GPC3: variants seen among roughly 807,000 people sequenced by gnomAD.
GPC3 encodes glypican-3.
In GPC3, 3 loss-of-function variants were observed where a neutral mutation model predicts 34.4. The ratio of observed to expected loss-of-function variants is 0.09; its 90% CI spans 0.04 to 0.23. The LOEUF (loss-of-function observed/expected upper bound fraction) is 0.23. GPC3 is among the 10% of genes least tolerant of loss of function. The pLI is 1.00. For synonymous variants in GPC3, 177 were observed against 174.0 expected, an observed-to-expected ratio of 1.02 and a Z score of -0.13; for missense variants, 351 against 445.6, an observed-to-expected ratio of 0.79 and a Z score of 1.91.
intron 2 of GPC3, among the ~76,000 whole-genome samples, chrX:133,887,738 AAAT>A (rs1159523281): frequency 9.0e-6 from 1 of 111,651 alleles, no homozygotes; most frequent in African/African-American, 3.3e-5. Context: ...TATGACTTGC[AAAT>A]ATTTTCTCCC....
chrX:133,732,538 T>TA lies in GPC3; in HGVS notation c.1032+20943dup, dbSNP rs747750498. Among the ~76,000 whole-genome samples, 5 of 110,827 alleles carry TA rather than the reference T, an allele frequency of 4.5e-5. No individual in the cohort carries two copies. The East Asian group carries it at 8.6e-4, about 19-fold the overall frequency. On this transcript the variant is annotated intron_variant, in intron 3 of 7. Coordinates refer to ENST00000370818, the MANE Select transcript of GPC3 (RefSeq NM_004484.4). ...TCTTCTTTAAAAGGCAAAGGTGAGG[T>TA]AAAAAAATAAGCAATTCTCAAGTGC...
chrX:133,869,685 C>T (rs189455540), intron 2 of GPC3, among the ~76,000 whole-genome samples: 48 of 112,307 alleles, frequency 4.3e-4, no homozygotes, highest in African/African-American at 1.5e-3. Context: ...TGGTGGCTTA[C>T]ACCTGTAATC....
chrX:133,831,622 C>CGCGA (rs1328655228), intron 2 of GPC3, among the ~76,000 whole-genome samples: 1 of 111,884 alleles, frequency 8.9e-6, no homozygotes, highest in African/African-American at 3.3e-5. Flanking sequence ...CCCAGCTACT[C>CGCGA]GGGAGGCTGA....
chrX:133,796,284 C>T, intron 2 of GPC3, among the ~76,000 whole-genome samples: 1 of 111,959 alleles, frequency 8.9e-6, no homozygotes, highest in Non-Finnish European at 1.9e-5. Context: ...AATTTCATTT[C>T]TGTATGCTGA....
intron 1 of GPC3, among the ~76,000 whole-genome samples, chrX:133,962,936 T>C (rs1225369773): frequency 2.7e-5 from 3 of 111,631 alleles, no homozygotes; most frequent in African/African-American, 9.8e-5. Context: ...GCTGTGTGAC[T>C]TTATCAAGTG....
chrX:133,721,667 TAAGAA>T (rs2071369082), intron 3 of GPC3, among the ~76,000 whole-genome samples: 1 of 111,027 alleles, frequency 9.0e-6, no homozygotes, highest in African/African-American at 3.3e-5. Context: ...AAAGACATCC[TAAGAA>T]AAGAAAACTA....
chrX:133,622,221 G>C (rs2070241527), intron 6 of GPC3, among the ~76,000 whole-genome samples: 1 of 112,059 alleles, frequency 8.9e-6, no homozygotes, highest in Non-Finnish European at 1.9e-5. Flanking sequence ...CAGAAAAGCT[G>C]AAAATTCTAA....
chrX:133,804,510 G>A (rs186284055), intron 2 of GPC3, among the ~76,000 whole-genome samples: 55 of 110,338 alleles, frequency 5.0e-4, no homozygotes, highest in Middle Eastern at 4.8e-3. Context: ...CAAGCCCATA[G>A]GGTGTCTCAG....
chrX:133,544,670 T>A (rs111254541), intron 7 of GPC3, among the ~76,000 whole-genome samples: 1 of 111,304 alleles, frequency 9.0e-6, no homozygotes, highest in African/African-American at 3.3e-5. Context: ...GGACCACAGG[T>A]GTGTGCCACC....
chrX:133,888,761 C>T (rs887829598), intron 2 of GPC3, among the ~76,000 whole-genome samples: 1 of 112,204 alleles, frequency 8.9e-6, no homozygotes, highest in African/African-American at 3.2e-5. Context: ...TATATCCTGC[C>T]CACAAAAGTA....
rs758315592 is a variant in GPC3 at position 133,548,409 on chromosome X, A to AAAAT, written c.1574-12120_1574-12117dup. The stretch of plus-strand genomic sequence containing the variant: ...TTTAATCAGCCACAATGGATCTTAC[A>AAAAT]AAATAAATAAATAAATCAATAAATA... On this transcript the variant is annotated intron_variant, in intron 7 of 7. Transcript: ENST00000370818. 5.9e-3 allele frequency among the ~76,000 whole-genome samples: 653 copies of AAAAT among 111,420 alleles called. 6 individuals carry two copies. Among genetic ancestry groups the AAAAT allele is most frequent in the African/African-American group, 0.02 (610 of 30,524 alleles).
intron 6 of GPC3, among the ~76,000 whole-genome samples, chrX:133,660,074 C>G (rs938200143): frequency 8.9e-6 from 1 of 111,895 alleles, no homozygotes; most frequent in African/African-American, 3.3e-5. Flanking sequence ...GCACTAACAG[C>G]TATTTATTAA....
intron 2 of GPC3, among the ~76,000 whole-genome samples, chrX:133,814,440 A>G (rs2075679620): frequency 9.0e-6 from 1 of 111,619 alleles, no homozygotes; most frequent in African/African-American, 3.3e-5. Flanking sequence ...GTTTCAATTA[A>G]GGACAGCATG....
intron 2 of GPC3, among the ~76,000 whole-genome samples, chrX:133,774,813 C>T (rs1328010798): frequency 9.0e-6 from 1 of 111,556 alleles, no homozygotes; most frequent in African/African-American, 3.3e-5. Context: ...GAGATATGAA[C>T]TCTAATCAGT....
intron 6 of GPC3, among the ~76,000 whole-genome samples, chrX:133,618,815 T>C (rs1303414335): frequency 9.1e-6 from 1 of 110,465 alleles, no homozygotes; most frequent in Non-Finnish European, 1.9e-5. Context: ...GCATATTTAA[T>C]GGCCAAAGAA....
At chrX:133,953,286 C>T in intron 1 of GPC3, 75 bp from the exon 2 acceptor site, 2 of 812,244 alleles carry the variant, frequency 2.5e-6, no homozygotes, top group Non-Finnish European at 3.7e-6. Context: ...ACCACCCCCA[C>T]CCCCTACACA....
intron 2 of GPC3, among the ~76,000 whole-genome samples, chrX:133,881,785 A>G (rs1483704378): frequency 8.9e-6 from 1 of 112,455 alleles, no homozygotes; most frequent in Non-Finnish European, 1.9e-5. Context: ...GAGATCACTG[A>G]GCTCCAACAA....
chrX:133,862,465 G>A (rs985694181), intron 2 of GPC3, among the ~76,000 whole-genome samples: 3 of 106,952 alleles, frequency 2.8e-5, no homozygotes, highest in Admixed American at 1.0e-4. Context: ...CAGATCACAC[G>A]GTCAGGAGTT....
At chrX:133,905,680 C>T (rs749347522) in intron 2 of GPC3, among the ~76,000 whole-genome samples, 5 of 110,733 alleles carry the variant, frequency 4.5e-5, no homozygotes, top group Non-Finnish European at 7.6e-5. Context: ...AATCTAATAC[C>T]GTATGAAACT....
Sources: gnomAD v4.1 joint callset for allele counts (sites outside exome capture counted in the v4.1 genomes callset) on GRCh38, gnomAD v4.1.1 for gene constraint, MANE v1.5 for transcripts, NCBI Gene and HGNC (gene_info 2026-07-23, HGNC 2026-07-21) for gene names.